The following GLCCI1 variants were observed in gnomAD, a reference collection of about 807,000 sequenced individuals.
GLCCI1 encodes glucocorticoid-induced transcript 1 protein.
A neutral mutation model predicts 52.2 loss-of-function variants in GLCCI1; 24 were observed. That is an observed-to-expected ratio of 0.46 (90% CI 0.33 to 0.65). The LOEUF (loss-of-function observed/expected upper bound fraction) is 0.65, where lower values mean the gene tolerates loss of function less well. Among genes scored for constraint, GLCCI1 ranks in the 30% least tolerant of loss-of-function variants. The probability of loss-of-function intolerance (pLI) is 0.02; values close to 1 mark genes in which losing one functional copy is unlikely to be tolerated. For synonymous variants in GLCCI1, 310 were observed against 276.5 expected (o/e 1.12, Z -1.20); for missense variants, 704 against 701.5 (o/e 1.00, Z -0.04).
Position 7,969,843 on chromosome 7 carries a change from G to A in GLCCI1, c.457+36G>A, listed in dbSNP as rs1353246001. On this transcript the variant is annotated intron_variant, in intron 1 of 7. Transcript: ENST00000223145. This position sits in a 1 kb window ranked among gnomAD's most constrained non-coding sequence, Gnocchi z 4.9. ...CAACCCTCCCGTCCTCCCGGGCTGC[G>A]TCTCCCCGACGGTGCCCTCCGTGGA... 1 of 1,377,852 alleles carries A rather than the reference G, an allele frequency of 7.3e-7. No homozygotes were observed. 85.4% of individuals were successfully genotyped at this position (1,377,852 alleles called of 1,614,324 possible).
intron 2 of GLCCI1, among the ~76,000 whole-genome samples, chr7:8,019,954 C>T (rs535919883): frequency 6.6e-6 from 1 of 152,272 alleles, no homozygotes; most frequent in African/African-American, 2.4e-5. Flanking sequence ...ACTTTCTAAG[C>T]ACTGCACATT....
chr7:8,015,232 A>G (rs1781352394), intron 2 of GLCCI1, among the ~76,000 whole-genome samples: 1 of 152,240 alleles, frequency 6.6e-6, no homozygotes, highest in Admixed American at 6.5e-5. Flanking sequence ...CTTTAGTCAA[A>G]GGAACAGATG....
At chr7:8,065,202 T>C (rs1276568358) in intron 5 of GLCCI1, among the ~76,000 whole-genome samples, 1 of 152,220 alleles carries the variant, frequency 6.6e-6, no homozygotes, top group Non-Finnish European at 1.5e-5. Context: ...TATTTGTCTC[T>C]CAGCTTCGAT....
At chr7:8,054,265 A>G (rs1291764145) in intron 3 of GLCCI1, among the ~76,000 whole-genome samples, 1 of 152,138 alleles carries the variant, frequency 6.6e-6, no homozygotes, top group African/African-American at 2.4e-5. Flanking sequence ...GTAAAAATTA[A>G]TGTTCTCTGC....
At chr7:8,057,385 A>G (rs1203272467) in intron 4 of GLCCI1, among the ~76,000 whole-genome samples, 3 of 152,216 alleles carry the variant, frequency 2.0e-5, no homozygotes, top group Non-Finnish European at 2.9e-5. Flanking sequence ...GGAAGGAACT[A>G]CTGATACAGG....
At chr7:8,013,718 A>C (rs1781317372) in intron 2 of GLCCI1, among the ~76,000 whole-genome samples, 1 of 152,190 alleles carries the variant, frequency 6.6e-6, no homozygotes, top group Non-Finnish European at 1.5e-5. Flanking sequence ...ATTTCTTGTT[A>C]AACTTATATC....
At chr7:8,011,981 A>G (rs1781271876) in intron 2 of GLCCI1, among the ~76,000 whole-genome samples, 1 of 151,768 alleles carries the variant, frequency 6.6e-6, no homozygotes, top group African/African-American at 2.4e-5. Flanking sequence ...ACGCCCAGCT[A>G]ATTTTTTGTA....
chr7:8,034,834 A>C (rs946318763), intron 3 of GLCCI1, among the ~76,000 whole-genome samples: 2 of 152,186 alleles, frequency 1.3e-5, no homozygotes, highest in Non-Finnish European at 2.9e-5. Flanking sequence ...CTCGCAGCAA[A>C]CTGCTGGTAT....
At position 8,086,183 on chromosome 7, in the gene GLCCI1, A is replaced by G. The variant is rs771152424; in HGVS notation, c.1299-10A>G. On this transcript the variant is annotated splice_polypyrimidine_tract_variant and intron_variant, in intron 7 of 7. Coordinates refer to ENST00000223145, the MANE Select transcript of GLCCI1 (RefSeq NM_138426.4). The surrounding 1 kb of genome is among the most constrained non-coding windows in gnomAD (Gnocchi z 4.4). ...ATGATTATAAATCTAATTTTGTTTTATGGTTTTAGGTCTCGTCAGCCTATC... is the reference window on the plus strand; with the variant it reads ...ATGATTATAAATCTAATTTTGTTTTGTGGTTTTAGGTCTCGTCAGCCTATC... 6.3e-7 allele frequency: 1 copy of G among 1,580,334 alleles called. No individual in the cohort carries two copies. Among genetic ancestry groups the G allele is most frequent in the African/African-American group, 1.4e-5 (1 of 72,814 alleles).
Position 8,031,976 on chromosome 7 carries a change from AT to A in GLCCI1, c.696+9409del, listed in dbSNP as rs1562435179. 3.9e-5 allele frequency among the ~76,000 whole-genome samples: 6 copies of A among 151,914 alleles called. 1 individual carries two copies. In the South Asian group the frequency reaches 1.0e-3, roughly 26 times the overall value. On this transcript the variant is annotated intron_variant, in intron 3 of 7. Coordinates refer to ENST00000223145, the MANE Select transcript of GLCCI1 (RefSeq NM_138426.4). ...AAAAAATGTAAAATGAGAAATTATAATTATATGACAGTAATTAGAGATTTCA... is the reference window on the plus strand; with the variant it reads ...AAAAAATGTAAAATGAGAAATTATAATATATGACAGTAATTAGAGATTTCA...
chr7:8,064,337 C>G (rs558582869), intron 5 of GLCCI1, among the ~76,000 whole-genome samples: 2 of 152,280 alleles, frequency 1.3e-5, no homozygotes, highest in South Asian at 4.1e-4. Flanking sequence ...CGAATTATCC[C>G]AGTGCCATTT....
At position 7,988,249 on chromosome 7, in the gene GLCCI1, T is replaced by G. The variant is rs117524133; in HGVS notation, c.458-15659T>G. On this transcript the variant is annotated intron_variant, in intron 1 of 7. Transcript: ENST00000223145. ...AAGGATCCAGAAAGTTCAACTAGTG[T>G]TACGTGTTTTAATGCTGATGAGCAG... is the stretch of plus-strand genomic sequence containing the variant. Among the ~76,000 whole-genome samples, 41 of 151,320 alleles carry G rather than the reference T, an allele frequency of 2.7e-4. No homozygotes were observed. The East Asian group carries it at 7.5e-3, about 28-fold the overall frequency.
chr7:8,005,806 G>GT (rs1018038950), intron 2 of GLCCI1, among the ~76,000 whole-genome samples: 14 of 151,036 alleles, frequency 9.3e-5, no homozygotes, highest in East Asian at 2.0e-4. Flanking sequence ...TGTTTGTTTT[G>GT]TTTTTTTTGA....
At chr7:7,995,749 C>T (rs774931220) in intron 1 of GLCCI1, among the ~76,000 whole-genome samples, 2 of 151,794 alleles carry the variant, frequency 1.3e-5, no homozygotes, top group Non-Finnish European at 2.9e-5. Context: ...CAGGGCCTGT[C>T]GTGGGGTGGG....
intron 1 of GLCCI1, among the ~76,000 whole-genome samples, chr7:7,996,202 A>G (rs1367752292): frequency 6.6e-6 from 1 of 152,138 alleles, no homozygotes; most frequent in East Asian, 1.9e-4. Flanking sequence ...TGTAGTTGCT[A>G]ATACTTTGTG....
rs570249106 is a variant in GLCCI1, at chr7:7,968,826, A to AGCGGCGGCGGCGGCGGCGGCGGCGGCG, written c.-504_-503insGCGGCGGCGGCGGCGGCGGCGGCGGCG. 6.3e-6 allele frequency: 1 copy of AGCGGCGGCGGCGGCGGCGGCGGCGGCG among 159,972 alleles called. No individual in the cohort carries two copies. The highest frequency in any genetic ancestry group is 6.4e-5 in the Admixed American group (1 of 15,510). 9.9% of individuals were successfully genotyped at this position (159,972 alleles called of 1,614,324 possible). A position where few individuals can be genotyped will look rare whatever the true frequency, so the allele number is the denominator to read the frequency against. On this transcript the variant is annotated 5_prime_UTR_variant, in exon 1 of 8. Transcript: ENST00000223145. ...CCATTCGGAGTGAGGAGTGGGTAGA[A>AGCGGCGGCGGCGGCGGCGGCGGCGGCG]GCGGCGGCGGCGGCGGCGGCGTTTG...
At chr7:8,001,773 A>G (rs1438343681) in intron 1 of GLCCI1, among the ~76,000 whole-genome samples, 4 of 152,244 alleles carry the variant, frequency 2.6e-5, no homozygotes, top group African/African-American at 4.8e-5. Context: ...CTATGCAGCC[A>G]TAAAAAAGAA....
chr7:8,060,718 AT>A (rs767161957), intron 5 of GLCCI1, among the ~76,000 whole-genome samples: 4 of 152,230 alleles, frequency 2.6e-5, no homozygotes, highest in Admixed American at 6.5e-5. Context: ...TTATTCAGTC[AT>A]CAATTAATGG....
intron 3 of GLCCI1, among the ~76,000 whole-genome samples, chr7:8,032,285 T>C (rs1781770587): frequency 6.6e-6 from 1 of 152,088 alleles, no homozygotes; most frequent in African/African-American, 2.4e-5. Context: ...AAATTTATAC[T>C]TTTAAATCCA....
Sources: allele counts gnomAD v4.1 joint callset (sites outside exome capture counted in the v4.1 genomes callset), GRCh38; gene constraint gnomAD v4.1.1; non-coding constraint Gnocchi (gnomAD v3.1); transcripts MANE v1.5; gene names NCBI Gene and HGNC (gene_info 2026-07-23, HGNC 2026-07-21).